The following TKFC variants were observed in gnomAD, a reference collection of about 807,000 sequenced individuals.
TKFC encodes triokinase and FMN cyclase, also known as triokinase/FMN cyclase.
In TKFC, 46 loss-of-function variants were observed where a neutral mutation model predicts 61.0. That is an observed-to-expected ratio of 0.75 (90% CI 0.60 to 0.96). The LOEUF (loss-of-function observed/expected upper bound fraction) is 0.96. TKFC is among the 50% of genes least tolerant of loss of function. The pLI is 0.00. For missense variants in TKFC, 715 were observed against 777.5 expected (o/e 0.92, Z 0.96); for synonymous variants, 314 against 330.1 (o/e 0.95, Z 0.53).
In TKFC at chr11:61,347,690, G is replaced by T; in HGVS notation, c.*1187G>T. ...CTGGCACACATGTAGGGTAGGGAGTGGTTAAAGGCACTGGCTGTCGACTCA... is the reference window on the plus strand; with the variant it reads ...CTGGCACACATGTAGGGTAGGGAGTTGTTAAAGGCACTGGCTGTCGACTCA... On this transcript the variant is annotated 3_prime_UTR_variant, in exon 18 of 18. Coordinates refer to ENST00000394900, the MANE Select transcript of TKFC (RefSeq NM_015533.4). 1 of 985,422 alleles carries T rather than the reference G, an allele frequency of 1.0e-6. No homozygotes were observed. Among genetic ancestry groups the T allele is most frequent in the Non-Finnish European group, 1.2e-6 (1 of 829,936 alleles). 61.0% of individuals were successfully genotyped at this position (985,422 alleles called of 1,614,324 possible). A position where few individuals can be genotyped will look rare whatever the true frequency, so the allele number is the denominator to read the frequency against.
At chr11:61,352,944 C>T, downstream of TKFC, 2 of 1,613,958 alleles carry the variant, frequency 1.2e-6, no homozygotes, top group Non-Finnish European at 1.7e-6. Context: ...GACCCTATTC[C>T]CTCCTCTTCA....
Position 61,346,154 on chromosome 11 carries a change from C to T in TKFC, c.1576-197C>T. On this transcript the variant is annotated intron_variant, in intron 17 of 17. Transcript: ENST00000394900. This position sits in a 1 kb window ranked among gnomAD's most constrained non-coding sequence, Gnocchi z 4.1. ...CACTGCCTGGGATGTGACAGGGCCT[C>T]AGTGAATGGTGACCCTTTTCCCTGC... The T allele has an allele frequency of 1.9e-5, 25 of 1,337,948 alleles. No individual in the cohort carries two copies. The highest frequency in any genetic ancestry group is 4.3e-5 in the South Asian group (3 of 69,764). 82.9% of individuals were successfully genotyped at this position (1,337,948 alleles called of 1,614,324 possible).
intron 7 of TKFC, 173 bp from the exon 8 acceptor site, chr11:61,342,288 C>A: frequency 1.2e-6 from 1 of 832,592 alleles, no homozygotes; most frequent in Non-Finnish European, 2.0e-6. Context: ...TCTCCACCAC[C>A]AGGCCACAAG....
At chr11:61,344,360 T>C (rs930856924) in intron 13 of TKFC, 87 bp downstream of exon 13, 1 of 11,944 alleles carries the variant, frequency 8.4e-5, no homozygotes, top group Non-Finnish European at 1.2e-4. Context: ...GGGACCTTCC[T>C]TTTTTTTTTT....
Position 61,343,527 on chromosome 11 carries a change from G to T in TKFC, c.982+69G>T, listed in dbSNP as rs566663972. ...AACTGGAAGGAGCCAGGGAGACTTG[G>T]AGACCCCGTCAGGGCTGACCGTGAC... On this transcript the variant is annotated intron_variant, in intron 11 of 17. Transcript: ENST00000394900. 8.1e-4 allele frequency: 1,159 copies of T among 1,439,524 alleles called. 6 individuals carry two copies. Among genetic ancestry groups the T allele is most frequent in the Non-Finnish European group, 1.0e-3 (1,057 of 1,024,976 alleles). 89.2% of individuals were successfully genotyped at this position (1,439,524 alleles called of 1,614,324 possible). A position where few individuals can be genotyped will look rare whatever the true frequency, so the allele number is the denominator to read the frequency against.
downstream of TKFC, chr11:61,350,874 T>C (rs1857372304): frequency 7.0e-7 from 1 of 1,426,226 alleles, no homozygotes; most frequent in South Asian, 1.5e-5. Context: ...CTCAAGTTAC[T>C]TGGTTTCCTG....
chr11:61,345,006 G>GA (rs952184643), intron 13 of TKFC, among the ~76,000 whole-genome samples: 6 of 152,152 alleles, frequency 3.9e-5, no homozygotes, highest in Non-Finnish European at 7.3e-5. Context: ...GGGCTAAGGA[G>GA]AAAAAAACCA....
downstream of TKFC, chr11:61,353,137 C>A: frequency 2.5e-6 from 4 of 1,602,492 alleles, no homozygotes; most frequent in Non-Finnish European, 3.4e-6. Flanking sequence ...AGCCCAGGAA[C>A]CACTGTGGAC....
chr11:61,352,716 T>C, downstream of TKFC: 2 of 979,640 alleles, frequency 2.0e-6, no homozygotes, highest in South Asian at 1.9e-5. Context: ...ATACCAATGA[T>C]GTAGGGTGGT....
downstream of TKFC, chr11:61,351,235 G>A (rs890277730): frequency 2.0e-5 from 28 of 1,367,658 alleles, no homozygotes; most frequent in Non-Finnish European, 2.6e-5. Context: ...AACAGAGGGT[G>A]AGAAAACCTT....
In TKFC at chr11:61,337,953, C is replaced by G. The variant is rs1464096886; in HGVS notation, c.16C>G (p.Leu6Val). Residue 6 changes from leucine (L) to valine (V), a missense_variant, in exon 3 of 18, where the codon CTG (leucine) becomes GTG (valine). Transcript: ENST00000394900. Reference protein sequence around the residue: MTSKKLVNSVAGCADD... With the variant: MTSKKVVNSVAGCADD... ...TCCTCCCTTGCAGACCTCCAAGAAG[C>G]TGGTGAACTCGGTGGCTGGCTGTGC... 6.2e-7 allele frequency: 1 copy of G among 1,607,504 alleles called. No individual in the cohort carries two copies. Among genetic ancestry groups the G allele is most frequent in the South Asian group, 1.1e-5 (1 of 90,366 alleles).
downstream of TKFC, chr11:61,350,499 C>T: frequency 1.3e-6 from 2 of 1,564,332 alleles, no homozygotes; most frequent in South Asian, 1.2e-5. Context: ...TTCAGACAGA[C>T]CCCCAGCCTG....
rs1856749349 is a variant in TKFC at position 61,339,248 on chromosome 11, C to G, written c.305-6C>G. 2 of 1,612,088 alleles carry G rather than the reference C, an allele frequency of 1.2e-6. No homozygotes were observed. The highest frequency in any genetic ancestry group is 2.2e-5 in the South Asian group (2 of 90,980). Reference sequence around the variant, plus strand: ...GCACACTGAGCCCTTCCGGCTGCTCCCGCAGTGGGGACGCTCCTTATCGTG... The same window carrying G: ...GCACACTGAGCCCTTCCGGCTGCTCGCGCAGTGGGGACGCTCCTTATCGTG... On this transcript the variant is annotated splice_polypyrimidine_tract_variant and splice_region_variant and intron_variant, in intron 4 of 17. Coordinates refer to ENST00000394900, the MANE Select transcript of TKFC (RefSeq NM_015533.4).
intron 1 of TKFC, 55 bp from the exon 2 acceptor site, chr11:61,334,565 G>A: frequency 2.4e-6 from 2 of 845,628 alleles, no homozygotes; most frequent in South Asian, 1.6e-5. Flanking sequence ...AGGCGTGATT[G>A]TGCCAGTCGA....
At position 61,344,216 on chromosome 11, in the gene TKFC, C is replaced by G. The variant is rs1188509993; in HGVS notation, c.1183C>G (p.Leu395Val). The change falls in exon 13 of 18, where the codon CTG becomes GTG. Residue 395 changes from leucine to valine, a missense_variant. Coordinates refer to ENST00000394900, the MANE Select transcript of TKFC (RefSeq NM_015533.4). ...LLGLEEHLNA[L>V]DRAAGDGDCG... is the part of the protein sequence containing the mutation. ...GGGCCTGGAGGAACACCTGAATGCCCTGGACCGGGCTGCTGGTGACGGCGA... is the reference window on the plus strand; with the variant it reads ...GGGCCTGGAGGAACACCTGAATGCCGTGGACCGGGCTGCTGGTGACGGCGA... 6.2e-7 allele frequency: 1 copy of G among 1,612,690 alleles called. No homozygotes were observed. Among genetic ancestry groups the G allele is most frequent in the Non-Finnish European group, 8.5e-7 (1 of 1,180,038 alleles).
In TKFC at chr11:61,345,696, T is replaced by A. The variant is rs1481205992; in HGVS notation, c.1452-16T>A. ...GTTCCCTATAGTGAGCCTCTTTCAC[T>A]CTCTTTCCCTGCCAGGTATGGCAAG... On this transcript the variant is annotated splice_polypyrimidine_tract_variant and intron_variant, in intron 15 of 17. Transcript: ENST00000394900. The A allele has an allele frequency of 1.9e-6, 3 of 1,614,148 alleles. No individual in the cohort carries two copies. The highest frequency in any genetic ancestry group is 2.5e-6 in the Non-Finnish European group (3 of 1,180,030).
intron 13 of TKFC, 128 bp downstream of exon 13, chr11:61,344,401 C>T (rs566456666): frequency 1.5e-5 from 19 of 1,293,110 alleles, no homozygotes; most frequent in Non-Finnish European, 1.6e-5. Flanking sequence ...CTCACTCTGT[C>T]GCTAGGCTGG....
In TKFC at chr11:61,339,127, AG is replaced by A; in HGVS notation, c.256del (p.Val86TrpfsTer23). The A allele has an allele frequency of 6.2e-7, 1 of 1,613,810 alleles. No individual in the cohort carries two copies. Among genetic ancestry groups the A allele is most frequent in the Non-Finnish European group, 8.5e-7 (1 of 1,180,006 alleles). ...IAGAVFTSPA[V>X]GSILAAIRAV... ...CGGGAGCTGTGTTCACCTCCCCGGCAGTGGGCAGCATCCTGGCAGCCATCAG... is the reference window on the plus strand; with the variant it reads ...CGGGAGCTGTGTTCACCTCCCCGGCATGGGCAGCATCCTGGCAGCCATCAG... On this transcript the variant is annotated frameshift_variant, in exon 4 of 18. Coordinates refer to ENST00000394900, the MANE Select transcript of TKFC (RefSeq NM_015533.4).
downstream of TKFC, chr11:61,352,794 G>A (rs1857475442): frequency 7.0e-7 from 1 of 1,437,814 alleles, no homozygotes; most frequent in Non-Finnish European, 9.1e-7. Context: ...TCAAACTGAT[G>A]CTCAATAAAT....
Sources: allele counts gnomAD v4.1 joint callset (sites outside exome capture counted in the v4.1 genomes callset), GRCh38; gene constraint gnomAD v4.1.1; non-coding constraint Gnocchi (gnomAD v3.1); transcripts MANE v1.5; gene names NCBI Gene and HGNC (gene_info 2026-07-23, HGNC 2026-07-21).